The following KSR1 variants were observed in gnomAD, a reference collection of about 807,000 sequenced individuals.
KSR1 encodes the protein kinase suppressor of ras 1, also known as kinase suppressor of ras.
KSR1 carries 35 observed loss-of-function variants against 92.9 expected under a neutral mutation model. The ratio of observed to expected loss-of-function variants is 0.38; its 90% CI spans 0.29 to 0.50. KSR1 has a LOEUF of 0.50. Among genes scored for constraint, KSR1 ranks in the 20% least tolerant of loss-of-function variants. The pLI, the probability that KSR1 is intolerant of heterozygous loss-of-function variation, is 0.94. For synonymous variants in KSR1, 467 were observed against 472.6 expected, an observed-to-expected ratio of 0.99 and a Z score of 0.15; for missense variants, 972 against 1,158.5, an observed-to-expected ratio of 0.84 and a Z score of 2.34.
chr17:27,521,867 A>G (rs1477185926), intron 1 of KSR1, among the ~76,000 whole-genome samples: 1 of 152,230 alleles, frequency 6.6e-6, no homozygotes, highest in Non-Finnish European at 1.5e-5. Flanking sequence ...TGGAATTATG[A>G]TGTTGATGAT....
intron 2 of KSR1, among the ~76,000 whole-genome samples, chr17:27,560,821 T>A (rs1814725431): frequency 6.6e-6 from 1 of 152,168 alleles, no homozygotes; most frequent in South Asian, 2.1e-4. Flanking sequence ...CCAGCTGTTC[T>A]TACAACCTTG....
At chr17:27,622,271 G>C (rs1342565139) in intron 20 of KSR1, 6 of 379,202 alleles carry the variant, frequency 1.6e-5, no homozygotes, top group Non-Finnish European at 2.9e-5. Flanking sequence ...TTTTTGTTTG[G>C]GTGGCTCTGT....
At chr17:27,462,297 A>AT (rs1187621122) in intron 1 of KSR1, among the ~76,000 whole-genome samples, 1 of 152,164 alleles carries the variant, frequency 6.6e-6, no homozygotes, top group Non-Finnish European at 1.5e-5. Flanking sequence ...TTGAGAACTT[A>AT]TGTTCAGAAC....
rs529347765 is a variant in KSR1 at position 27,625,275 on chromosome 17, G to C, written c.*1883G>C. ...AGCCGTCCAACTGGGAGGAACAGTA[G>C]GCTCAGTTCCTCCCTGACCCCTGAC... On this transcript the variant is annotated 3_prime_UTR_variant, in exon 21 of 21. Transcript: ENST00000644974. 6.6e-6 allele frequency: 1 copy of C among 152,432 alleles called. No homozygotes were observed. Among genetic ancestry groups the C allele is most frequent in the Admixed American group, 6.5e-5 (1 of 15,308 alleles). 9.4% of individuals were successfully genotyped at this position (152,432 alleles called of 1,614,324 possible). A position where few individuals can be genotyped will look rare whatever the true frequency, so the allele number is the denominator to read the frequency against.
intron 1 of KSR1, among the ~76,000 whole-genome samples, chr17:27,510,131 T>G (rs753471915): frequency 3.3e-5 from 5 of 152,258 alleles, no homozygotes; most frequent in Admixed American, 1.3e-4. Context: ...TGCTGCACCT[T>G]GTCCGGAGAG....
intron 20 of KSR1, chr17:27,622,160 G>A: frequency 3.4e-6 from 2 of 583,654 alleles, no homozygotes; most frequent in Non-Finnish European, 6.1e-6. Context: ...GCTCTCAGAG[G>A]ATCCCACTAA....
chr17:27,587,691 G>A (rs1295596270), intron 5 of KSR1: 1 of 152,422 alleles, frequency 6.6e-6, no homozygotes. Flanking sequence ...TGAATGTGCG[G>A]GCTGCCGGTG....
intron 2 of KSR1, among the ~76,000 whole-genome samples, chr17:27,572,696 T>G (rs1039458223): frequency 1.3e-5 from 2 of 152,200 alleles, no homozygotes; most frequent in African/African-American, 2.4e-5. Context: ...TGTTTTTGGT[T>G]TAGAGATGAT....
intron 1 of KSR1, among the ~76,000 whole-genome samples, chr17:27,521,199 G>A (rs564702754): frequency 4.6e-5 from 7 of 152,198 alleles, no homozygotes; most frequent in East Asian, 3.9e-4. Flanking sequence ...ATGTATACCC[G>A]CTCCAAGTGA....
intron 1 of KSR1, among the ~76,000 whole-genome samples, chr17:27,521,033 C>G (rs1328851293): frequency 6.6e-6 from 1 of 152,208 alleles, no homozygotes; most frequent in African/African-American, 2.4e-5. Context: ...GCACTTGTGG[C>G]TGTCACCAGC....
At chr17:27,599,012 G>A (rs1051753983) in intron 10 of KSR1, among the ~76,000 whole-genome samples, 1 of 152,218 alleles carries the variant, frequency 6.6e-6, no homozygotes, top group African/African-American at 2.4e-5. Context: ...GCTTCACAAC[G>A]GGGAAATGTT....
intron 1 of KSR1, among the ~76,000 whole-genome samples, chr17:27,489,706 G>T (rs1462394533): frequency 6.6e-6 from 1 of 152,122 alleles, no homozygotes; most frequent in Non-Finnish European, 1.5e-5. Context: ...TCTCTCCCCT[G>T]TGGGGCTGCT....
At chr17:27,526,094 T>TTCTTTCTTTCTCTCTCTCTC (rs55706224) in intron 1 of KSR1, among the ~76,000 whole-genome samples, 3 of 118,478 alleles carry the variant, frequency 2.5e-5, no homozygotes, top group East Asian at 2.3e-4. Flanking sequence ...CTTTCTTTCT[T>TTCTTTCTTTCTCTCTCTCTC]TCTCTCTCTC....
At chr17:27,515,831 GC>G (rs2069771452) in intron 1 of KSR1, among the ~76,000 whole-genome samples, 1 of 152,042 alleles carries the variant, frequency 6.6e-6, no homozygotes, top group African/African-American at 2.4e-5. Context: ...GTTAGGTAGG[GC>G]TTTCATGAGC....
chr17:27,524,344 C>T (rs992110037), intron 1 of KSR1, among the ~76,000 whole-genome samples: 1 of 151,966 alleles, frequency 6.6e-6, no homozygotes, highest in Non-Finnish European at 1.5e-5. Flanking sequence ...AGACTAAGAT[C>T]AATGGAGGAG....
At chr17:27,610,597 C>G (rs184860198) in intron 17 of KSR1, among the ~76,000 whole-genome samples, 49 of 152,286 alleles carry the variant, frequency 3.2e-4, no homozygotes, top group Admixed American at 1.4e-3. Context: ...CCACAAAGAC[C>G]TGGGTGCTGA....
At chr17:27,546,647 C>T (rs142905158) in intron 1 of KSR1, among the ~76,000 whole-genome samples, 1 of 152,226 alleles carries the variant, frequency 6.6e-6, no homozygotes, top group Non-Finnish European at 1.5e-5. Context: ...GAGTGCGTGC[C>T]TGGTGGGCAG....
At chr17:27,553,494 G>A (rs2071477892) in intron 2 of KSR1, among the ~76,000 whole-genome samples, 1 of 152,198 alleles carries the variant, frequency 6.6e-6, no homozygotes, top group South Asian at 2.1e-4. Flanking sequence ...CCCCCAGTTG[G>A]TACCAAGGGT....
intron 1 of KSR1, among the ~76,000 whole-genome samples, chr17:27,499,699 C>T (rs918411202): frequency 6.6e-6 from 1 of 152,228 alleles, no homozygotes; most frequent in Non-Finnish European, 1.5e-5. Flanking sequence ...TCTTCATGTG[C>T]TCCCCACAGT....
Sources: allele counts gnomAD v4.1 joint callset (sites outside exome capture counted in the v4.1 genomes callset), GRCh38; gene constraint gnomAD v4.1.1; transcripts MANE v1.5; gene names NCBI Gene and HGNC (gene_info 2026-07-23, HGNC 2026-07-21).